LRMDA: variants seen among roughly 807,000 people sequenced by gnomAD.
The protein encoded by LRMDA is leucine-rich melanocyte differentiation-associated protein.
Under a neutral mutation model 29.8 loss-of-function variants are expected in LRMDA, and 18 were observed. The ratio of observed to expected loss-of-function variants is 0.60; its 90% confidence interval spans 0.42 to 0.90. The LOEUF (loss-of-function observed/expected upper bound fraction) is 0.90. LRMDA is among the 40% of genes least tolerant of loss of function. The pLI is 0.00. For missense variants in LRMDA, 273 were observed against 273.9 expected, an observed-to-expected ratio of 1.00 and a Z score of 0.02; for synonymous variants, 125 against 109.4, an observed-to-expected ratio of 1.14 and a Z score of -0.89.
intron 5 of LRMDA, among the ~76,000 whole-genome samples, chr10:76,134,786 C>T (rs1350170209): frequency 6.6e-6 from 1 of 151,894 alleles, no homozygotes; most frequent in Non-Finnish European, 1.5e-5. Flanking sequence ...GATTTCCCTC[C>T]AATAAAATTT....
At chr10:75,976,120 T>C (rs1466669027) in intron 2 of LRMDA, among the ~76,000 whole-genome samples, 1 of 152,254 alleles carries the variant, frequency 6.6e-6, no homozygotes, top group Non-Finnish European at 1.5e-5. Flanking sequence ...AGTCCTTCCA[T>C]GGCCTACAAG....
intron 2 of LRMDA, among the ~76,000 whole-genome samples, chr10:75,485,458 G>A (rs1486191927): frequency 6.6e-6 from 1 of 151,964 alleles, no homozygotes; most frequent in African/African-American, 2.4e-5. Context: ...GTGCAGTGAC[G>A]TGATCTCAGC....
chr10:76,328,182 G>A (rs1840860608), intron 6 of LRMDA, among the ~76,000 whole-genome samples: 1 of 152,098 alleles, frequency 6.6e-6, no homozygotes, highest in South Asian at 2.1e-4. Context: ...TCTACATATT[G>A]TATCCTTGGC....
chr10:75,607,824 G>GT (rs5786180), intron 2 of LRMDA, among the ~76,000 whole-genome samples: 5,044 of 72,024 alleles, frequency 0.07, 134 homozygotes, highest in African/African-American at 0.09. Flanking sequence ...TGATTCAGTG[G>GT]TTTTTTTTTT....
At chr10:75,503,994 G>T (rs1324413345) in intron 2 of LRMDA, among the ~76,000 whole-genome samples, 1 of 148,406 alleles carries the variant, frequency 6.7e-6, no homozygotes, top group Non-Finnish European at 1.5e-5. Context: ...TTGTGTGTTA[G>T]GTCATTTATT....
chr10:75,438,309 C>T (rs1844285111), intron 1 of LRMDA, 85 bp from the exon 2 acceptor site: 1 of 1,043,384 alleles, frequency 9.6e-7, no homozygotes. Context: ...GTTGCAGAAG[C>T]AATCATTGGA....
intron 6 of LRMDA, among the ~76,000 whole-genome samples, chr10:76,485,558 A>T (rs565758814): frequency 3.7e-4 from 56 of 151,996 alleles, no homozygotes; most frequent in East Asian, 1.6e-3. Flanking sequence ...AAAATTTTTT[A>T]AAAAATATTT....
At chr10:76,144,659 C>G (rs1270978756) in intron 5 of LRMDA, among the ~76,000 whole-genome samples, 3 of 152,160 alleles carry the variant, frequency 2.0e-5, no homozygotes, top group Non-Finnish European at 4.4e-5. Context: ...TTGACTTCCT[C>G]TTTTCCTAAT....
intron 2 of LRMDA, among the ~76,000 whole-genome samples, chr10:75,660,330 T>C (rs966337986): frequency 1.3e-5 from 2 of 152,228 alleles, no homozygotes; most frequent in African/African-American, 4.8e-5. Flanking sequence ...GTAATTGTTT[T>C]TCAGAAAGAA....
intron 5 of LRMDA, among the ~76,000 whole-genome samples, chr10:76,145,809 G>C (rs4494256): frequency 0.13 from 20,177 of 150,746 alleles, 1,488 homozygotes; most frequent in East Asian, 0.24. Context: ...ATCTTTCCTG[G>C]TTTCTCTTGT....
chr10:75,884,241 G>A (rs1221201114), intron 2 of LRMDA, among the ~76,000 whole-genome samples: 7 of 136,934 alleles, frequency 5.1e-5, no homozygotes, highest in African/African-American at 2.0e-4. Context: ...AAGGGCAGGC[G>A]ACTTTGTGTG....
At chr10:76,001,951 G>T (rs960956502) in intron 2 of LRMDA, among the ~76,000 whole-genome samples, 1 of 152,012 alleles carries the variant, frequency 6.6e-6, no homozygotes, top group African/African-American at 2.4e-5. Flanking sequence ...TGACCCTGAG[G>T]GCTCAAGAAG....
chr10:75,963,694 G>A (rs747811935), intron 2 of LRMDA, among the ~76,000 whole-genome samples: 3 of 152,218 alleles, frequency 2.0e-5, no homozygotes, highest in African/African-American at 4.8e-5. Context: ...GGTGGAATGA[G>A]ACCTGTTGTA....
chr10:76,260,320 A>C (rs191634745), intron 5 of LRMDA, among the ~76,000 whole-genome samples: 3 of 152,130 alleles, frequency 2.0e-5, no homozygotes, highest in African/African-American at 7.2e-5. Context: ...CATGATGATG[A>C]TGAAGATTTT....
At chr10:76,110,290 T>C (rs1849556253) in intron 5 of LRMDA, among the ~76,000 whole-genome samples, 1 of 152,230 alleles carries the variant, frequency 6.6e-6, no homozygotes. Flanking sequence ...TCTTGTTCTT[T>C]ACTTCTGTCA....
chr10:76,402,499 G>A (rs1589167572), intron 6 of LRMDA, among the ~76,000 whole-genome samples: 1 of 152,208 alleles, frequency 6.6e-6, no homozygotes, highest in South Asian at 2.1e-4. Context: ...CTACAGGCGT[G>A]TGTCACCACT....
At chr10:75,574,953 G>A (rs1840484184) in intron 2 of LRMDA, among the ~76,000 whole-genome samples, 1 of 152,174 alleles carries the variant, frequency 6.6e-6, no homozygotes, top group South Asian at 2.1e-4. Flanking sequence ...AGGCTGTAGA[G>A]GAAGCATGGC....
intron 2 of LRMDA, among the ~76,000 whole-genome samples, chr10:75,708,249 A>G (rs1311625680): frequency 3.3e-5 from 5 of 152,256 alleles, no homozygotes; most frequent in South Asian, 4.2e-4. Context: ...TGAATACCAC[A>G]CTGTCAGCTT....
At chr10:75,708,869 A>G (rs1217281098) in intron 2 of LRMDA, among the ~76,000 whole-genome samples, 6 of 152,156 alleles carry the variant, frequency 3.9e-5, no homozygotes, top group Non-Finnish European at 8.8e-5. Context: ...TGTGTTTGCG[A>G]GGCTTGACCA....
Sources: allele counts gnomAD v4.1 joint callset (sites outside exome capture counted in the v4.1 genomes callset), GRCh38; gene constraint gnomAD v4.1.1; transcripts MANE v1.5; gene names NCBI Gene and HGNC (gene_info 2026-07-23, HGNC 2026-07-21).